Variants in CNTNAP5 observed in about 807,000 individuals in gnomAD.
CNTNAP5 encodes contactin-associated protein-like 5.
CNTNAP5 carries 72 observed loss-of-function variants against 150.2 expected under a neutral mutation model. That is an observed-to-expected ratio of 0.48 (90% CI 0.40 to 0.58). The LOEUF (loss-of-function observed/expected upper bound fraction) is 0.58, where lower values mean the gene tolerates loss of function less well. Among genes scored for constraint, CNTNAP5 ranks in the 20% least tolerant of loss-of-function variants. CNTNAP5 has a pLI of 0.00. For missense variants in CNTNAP5, 1,636 were observed against 1,626.2 expected (o/e 1.01, Z -0.10); for synonymous variants, 672 against 619.8 (o/e 1.08, Z -1.25).
chr2:124,806,851 AC>A (rs1682092384), intron 19 of CNTNAP5, among the ~76,000 whole-genome samples: 1 of 152,234 alleles, frequency 6.6e-6, no homozygotes, highest in East Asian at 1.9e-4. Context: ...TGGCATAAAT[AC>A]AAAGAAGGGT....
chr2:124,578,995 A>T (rs1471583073), intron 11 of CNTNAP5, among the ~76,000 whole-genome samples: 4 of 152,048 alleles, frequency 2.6e-5, no homozygotes, highest in Admixed American at 1.3e-4. Context: ...TTTGTGAAAG[A>T]TTTTTCAGCT....
chr2:124,835,763 T>C (rs1383324478), intron 19 of CNTNAP5, among the ~76,000 whole-genome samples: 1 of 152,148 alleles, frequency 6.6e-6, no homozygotes, highest in Non-Finnish European at 1.5e-5. Context: ...AGTATCCTTA[T>C]TTTGCAGCCA....
chr2:124,665,591 A>C (rs962495638), intron 13 of CNTNAP5, among the ~76,000 whole-genome samples: 3 of 152,154 alleles, frequency 2.0e-5, no homozygotes, highest in African/African-American at 7.2e-5. Context: ...GTTGATGTGT[A>C]GCTAAAAAAT....
intron 11 of CNTNAP5, among the ~76,000 whole-genome samples, chr2:124,602,251 A>C (rs1367219551): frequency 6.7e-6 from 1 of 149,104 alleles, no homozygotes; most frequent in African/African-American, 2.5e-5. Context: ...CTGAGGCAGG[A>C]GAATAGCTTG....
intron 13 of CNTNAP5, among the ~76,000 whole-genome samples, chr2:124,741,819 C>T (rs947154059): frequency 1.3e-5 from 2 of 152,092 alleles, no homozygotes; most frequent in South Asian, 4.1e-4. Context: ...CCTCTCCCTC[C>T]TCCTCCTTAT....
At chr2:124,278,619 T>C (rs1404119029) in intron 3 of CNTNAP5, among the ~76,000 whole-genome samples, 2 of 152,176 alleles carry the variant, frequency 1.3e-5, no homozygotes, top group Non-Finnish European at 2.9e-5. Flanking sequence ...CTTAAGATGA[T>C]GTGGAATGCT....
intron 12 of CNTNAP5, among the ~76,000 whole-genome samples, chr2:124,622,264 T>G (rs1249421529): frequency 6.6e-6 from 1 of 152,176 alleles, no homozygotes; most frequent in Non-Finnish European, 1.5e-5. Context: ...GGATAATGGC[T>G]TCCACCTCCA....
chr2:124,364,119 A>G (rs901602163), intron 3 of CNTNAP5, among the ~76,000 whole-genome samples: 6 of 152,184 alleles, frequency 3.9e-5, no homozygotes, highest in African/African-American at 1.4e-4. Flanking sequence ...CTGTGGCTAC[A>G]AAGTTATACA....
intron 1 of CNTNAP5, among the ~76,000 whole-genome samples, chr2:124,099,279 T>C (rs1683010696): frequency 3.9e-5 from 6 of 152,196 alleles, no homozygotes; most frequent in Admixed American, 6.5e-5. Context: ...AGACTCCGCA[T>C]AGCACACAGC....
intron 5 of CNTNAP5, among the ~76,000 whole-genome samples, chr2:124,444,858 T>G (rs1208115211): frequency 9.9e-5 from 15 of 152,128 alleles, no homozygotes; most frequent in Admixed American, 9.8e-4. Flanking sequence ...GGTTTCAGCC[T>G]GTCCCTGCTG....
At chr2:124,265,408 A>C (rs1687580466) in intron 3 of CNTNAP5, among the ~76,000 whole-genome samples, 1 of 152,118 alleles carries the variant, frequency 6.6e-6, no homozygotes, top group Non-Finnish European at 1.5e-5. Flanking sequence ...TGGGGTCATT[A>C]TCGCCCCTCA....
At chr2:124,027,214 C>T (rs1680915255) in intron 1 of CNTNAP5, among the ~76,000 whole-genome samples, 1 of 152,164 alleles carries the variant, frequency 6.6e-6, no homozygotes, top group African/African-American at 2.4e-5. Flanking sequence ...TTTTCTTCTT[C>T]TGTGGAATTG....
intron 11 of CNTNAP5, among the ~76,000 whole-genome samples, chr2:124,570,561 G>GT (rs531464481): frequency 0.026 from 3,984 of 151,678 alleles, 185 homozygotes; most frequent in African/African-American, 0.092. Flanking sequence ...ACAGTTTGTT[G>GT]GGGATCGGGT....
intron 13 of CNTNAP5, among the ~76,000 whole-genome samples, chr2:124,709,234 T>TGTGTGTGC (rs2105101492): frequency 1.5e-5 from 2 of 132,746 alleles, no homozygotes; most frequent in South Asian, 4.7e-4. Context: ...TGTGTGTGCG[T>TGTGTGTGC]GTGTGTGTGT....
chr2:124,692,504 C>A (rs1679319564), intron 13 of CNTNAP5, among the ~76,000 whole-genome samples: 1 of 152,018 alleles, frequency 6.6e-6, no homozygotes, highest in Non-Finnish European at 1.5e-5. Context: ...AGCAAAAGAT[C>A]ACTGAAACAA....
In CNTNAP5 at chr2:124,432,169, G is replaced by A. The variant is rs572353769; in HGVS notation, c.530-2315G>A. ...TGCTAGGGAAACCCAAAGTTCAGAT[G>A]CAATATCTGTCTATGGGGGTGGGAC... On this transcript the variant is annotated intron_variant, in intron 4 of 23. Coordinates refer to ENST00000682447, the MANE Select transcript of CNTNAP5 (RefSeq NM_001367498.1). 7.9e-5 allele frequency among the ~76,000 whole-genome samples: 12 copies of A among 152,286 alleles called. No individual in the cohort carries two copies. The South Asian group carries it at 2.5e-3, about 32-fold the overall frequency.
At chr2:124,127,101 G>C (rs1683724991) in intron 1 of CNTNAP5, among the ~76,000 whole-genome samples, 1 of 152,120 alleles carries the variant, frequency 6.6e-6, no homozygotes, top group South Asian at 2.1e-4. Flanking sequence ...TTTCAACTAG[G>C]AAAAGAAGCA....
intron 19 of CNTNAP5, among the ~76,000 whole-genome samples, chr2:124,843,948 T>C (rs1682995889): frequency 6.6e-6 from 1 of 152,158 alleles, no homozygotes; most frequent in African/African-American, 2.4e-5. Context: ...TTTCTCCCAC[T>C]CTGGGTTTTC....
At chr2:124,655,940 AG>A (rs1558722348) in intron 13 of CNTNAP5, among the ~76,000 whole-genome samples, 1,658 of 111,646 alleles carry the variant, frequency 0.015, 12 homozygotes, top group Non-Finnish European at 0.017. Flanking sequence ...AGAGAGAGAG[AG>A]AGAGAGAAAG....
Sources: allele counts gnomAD v4.1 joint callset (sites outside exome capture counted in the v4.1 genomes callset), GRCh38; gene constraint gnomAD v4.1.1; transcripts MANE v1.5; gene names NCBI Gene and HGNC (gene_info 2026-07-23, HGNC 2026-07-21).